Variants in CNTN5 observed in about 807,000 individuals in gnomAD.
CNTN5 encodes the protein contactin 5.
A neutral mutation model predicts 129.1 loss-of-function variants in CNTN5; 77 were observed. The ratio of observed to expected loss-of-function variants is 0.60; its 90% CI spans 0.50 to 0.72. CNTN5 has a LOEUF of 0.72. Among genes scored for constraint, CNTN5 ranks in the 30% least tolerant of loss-of-function variants. The pLI is 0.00. For synonymous variants in CNTN5, 509 were observed against 465.6 expected (o/e 1.09, Z -1.20); for missense variants, 1,478 against 1,328.8 (o/e 1.11, Z -1.75).
At chr11:100,116,939 G>A (rs1445141502) in intron 13 of CNTN5, among the ~76,000 whole-genome samples, 2 of 151,988 alleles carry the variant, frequency 1.3e-5, no homozygotes, top group East Asian at 3.9e-4. Context: ...TGCCTGCCTT[G>A]AAAGAACATC....
At chr11:99,160,856 A>G (rs7127410) in intron 1 of CNTN5, among the ~76,000 whole-genome samples, 68,803 of 152,030 alleles carry the variant, frequency 0.45, 17,404 homozygotes, top group East Asian at 0.76. Context: ...AAAGAGATAC[A>G]TATTACATGC....
intron 7 of CNTN5, among the ~76,000 whole-genome samples, chr11:99,955,423 G>T (rs1420957394): frequency 6.6e-6 from 1 of 151,936 alleles, no homozygotes; most frequent in Admixed American, 6.5e-5. Context: ...ACTGGGTGAT[G>T]GTAACAGTAA....
chr11:100,286,073 G>T (rs1221465310), intron 18 of CNTN5, among the ~76,000 whole-genome samples: 2 of 152,220 alleles, frequency 1.3e-5, no homozygotes, highest in Non-Finnish European at 2.9e-5. Flanking sequence ...CCCAACACGA[G>T]ATTATATCCC....
At position 99,700,443 on chromosome 11, in the gene CNTN5, A is replaced by G. The variant is rs1296238267; in HGVS notation, c.56-119101A>G. Among the ~76,000 whole-genome samples the G allele has an allele frequency of 2.0e-5, 3 of 151,360 alleles. No homozygotes were observed. In the East Asian group the frequency reaches 5.8e-4, roughly 29 times the overall value. ...CTGATCAATGCAGAATATTTAGGAA[A>G]TTACATTTAGACAAGGCAAGGCTAT... On this transcript the variant is annotated intron_variant, in intron 3 of 24. Transcript: ENST00000524871.
In CNTN5 at chr11:99,841,897, T is replaced by G. The variant is rs1024579226; in HGVS notation, c.278-2955T>G. On this transcript the variant is annotated intron_variant, in intron 4 of 24. Transcript: ENST00000524871. ...ACACATACATATACATATATATATA[T>G]TTTTTTTTTATGGAGTTTCACTCTT... Among the ~76,000 whole-genome samples the G allele has an allele frequency of 3.4e-4, 16 of 47,410 alleles. 1 individual carries two copies. The Admixed American group carries it at 4.1e-3, about 12-fold the overall frequency. 31.1% of individuals were successfully genotyped at this position (47,410 alleles called of 152,430 possible).
intron 2 of CNTN5, among the ~76,000 whole-genome samples, chr11:99,330,489 T>C (rs1865956791): frequency 2.0e-5 from 3 of 152,142 alleles, no homozygotes. Flanking sequence ...GTGCTGGATT[T>C]TGGGTTAGTA....
intron 2 of CNTN5, among the ~76,000 whole-genome samples, chr11:99,344,637 G>A (rs1591549702): frequency 6.6e-6 from 1 of 152,092 alleles, no homozygotes; most frequent in Non-Finnish European, 1.5e-5. Flanking sequence ...TAAGTAAATA[G>A]AATGGCTATA....
intron 15 of CNTN5, among the ~76,000 whole-genome samples, chr11:100,200,825 A>G (rs1468462488): frequency 6.6e-6 from 1 of 151,960 alleles, no homozygotes; most frequent in Non-Finnish European, 1.5e-5. Context: ...CAAAAGTTAA[A>G]TATGCTTCTA....
intron 4 of CNTN5, among the ~76,000 whole-genome samples, chr11:99,841,138 C>T (rs12420053): frequency 0.12 from 18,890 of 152,042 alleles, 2,070 homozygotes; most frequent in East Asian, 0.54. Context: ...TTTATGTTGA[C>T]GCACTGGCTT....
At chr11:99,663,643 G>A (rs988020080) in intron 3 of CNTN5, among the ~76,000 whole-genome samples, 1 of 152,114 alleles carries the variant, frequency 6.6e-6, no homozygotes, top group Non-Finnish European at 1.5e-5. Flanking sequence ...CCCCCATGCT[G>A]TTCTCCTGAT....
At chr11:100,280,219 A>G (rs768231134) in intron 18 of CNTN5, among the ~76,000 whole-genome samples, 6 of 151,996 alleles carry the variant, frequency 3.9e-5, no homozygotes, top group Non-Finnish European at 7.4e-5. Flanking sequence ...AATTAAATCC[A>G]GTGTTTCTTT....
At chr11:100,196,396 G>A (rs1355876320) in intron 15 of CNTN5, among the ~76,000 whole-genome samples, 1 of 151,866 alleles carries the variant, frequency 6.6e-6, no homozygotes, top group African/African-American at 2.4e-5. Flanking sequence ...TGTTGTACTG[G>A]TATCTTTTAT....
intron 3 of CNTN5, among the ~76,000 whole-genome samples, chr11:99,567,933 G>A (rs1163230793): frequency 5.9e-5 from 9 of 151,966 alleles, no homozygotes; most frequent in Non-Finnish European, 1.0e-4. Flanking sequence ...AATGTTAAAA[G>A]GTTTCTATAA....
At chr11:99,888,133 C>G (rs1948947979) in intron 6 of CNTN5, among the ~76,000 whole-genome samples, 1 of 152,124 alleles carries the variant, frequency 6.6e-6, no homozygotes, top group Non-Finnish European at 1.5e-5. Flanking sequence ...AACACAGTCC[C>G]TGGCACATAT....
At chr11:99,480,518 T>C (rs1945552110) in intron 2 of CNTN5, among the ~76,000 whole-genome samples, 1 of 152,220 alleles carries the variant, frequency 6.6e-6, no homozygotes, top group Admixed American at 6.5e-5. Context: ...GAACAATGGC[T>C]GGAATAATTA....
intron 2 of CNTN5, among the ~76,000 whole-genome samples, chr11:99,463,757 T>A (rs1174005904): frequency 1.9e-5 from 2 of 105,252 alleles, no homozygotes; most frequent in Admixed American, 2.3e-4. Context: ...AATGCAAACT[T>A]ATTTCTGATA....
chr11:99,531,644 G>A (rs1444645406), intron 2 of CNTN5, among the ~76,000 whole-genome samples: 1 of 152,206 alleles, frequency 6.6e-6, no homozygotes, highest in Non-Finnish European at 1.5e-5. Context: ...TGCAGCCTAT[G>A]GACTTGGTGC....
chr11:99,350,049 A>C (rs962509802), intron 2 of CNTN5, among the ~76,000 whole-genome samples: 1 of 152,200 alleles, frequency 6.6e-6, no homozygotes, highest in Non-Finnish European at 1.5e-5. Context: ...TATATTGCCA[A>C]CTAAAGTCCC....
chr11:100,271,382 T>G, intron 18 of CNTN5, 141 bp downstream of exon 18: 1 of 504,062 alleles, frequency 2.0e-6, no homozygotes, highest in Non-Finnish European at 3.3e-6. Flanking sequence ...AAAATTATTT[T>G]CTTTAAAATA....
Sources: allele counts gnomAD v4.1 joint callset (sites outside exome capture counted in the v4.1 genomes callset), GRCh38; gene constraint gnomAD v4.1.1; transcripts MANE v1.5; gene names NCBI Gene and HGNC (gene_info 2026-07-23, HGNC 2026-07-21).